SYTL4: variants seen among roughly 807,000 people sequenced by gnomAD.
The protein encoded by SYTL4 is synaptotagmin-like protein 4.
In SYTL4, 16 loss-of-function variants were observed where a neutral mutation model predicts 52.7. That is an observed-to-expected ratio of 0.30 (90% CI 0.21 to 0.46). The LOEUF (loss-of-function observed/expected upper bound fraction) is 0.46. Among genes scored for constraint, SYTL4 ranks in the 20% least tolerant of loss-of-function variants. The pLI is 1.00. For synonymous variants in SYTL4, 160 were observed against 186.6 expected (o/e 0.86, Z 1.16); for missense variants, 423 against 519.9 (o/e 0.81, Z 1.81).
intron 17 of SYTL4, 56 bp from the exon 18 acceptor site, chrX:100,679,468 G>A: frequency 7.1e-6 from 7 of 986,480 alleles, no homozygotes; most frequent in Non-Finnish European, 1.0e-5. Flanking sequence ...GATTTATCTT[G>A]AGCTTTGTTT....
chrX:100,727,126 T>C (rs888291905), intron 2 of SYTL4, among the ~76,000 whole-genome samples: 1 of 112,016 alleles, frequency 8.9e-6, no homozygotes, highest in Non-Finnish European at 1.9e-5. Context: ...AAATGTTTTA[T>C]AGTGGGTTTT....
intron 19 of SYTL4, among the ~76,000 whole-genome samples, chrX:100,677,479 TG>T (rs1207165887): frequency 8.9e-5 from 10 of 111,844 alleles, no homozygotes; most frequent in Admixed American, 5.7e-4. Context: ...ATATGCTTCA[TG>T]TTAAATATTC....
intron 16 of SYTL4, among the ~76,000 whole-genome samples, chrX:100,682,525 C>A (rs761323233): frequency 1.8e-5 from 2 of 109,968 alleles, no homozygotes; most frequent in East Asian, 5.7e-4. Context: ...CTGGACAACA[C>A]AGCAAAACCT....
At chrX:100,723,765 C>T (rs1175999804) in intron 2 of SYTL4, among the ~76,000 whole-genome samples, 1 of 107,431 alleles carries the variant, frequency 9.3e-6, no homozygotes, top group Non-Finnish European at 1.9e-5. Context: ...CCCCTCCGCC[C>T]GGCAGCCGCA....
intron 2 of SYTL4, among the ~76,000 whole-genome samples, chrX:100,723,983 G>C (rs759546185): frequency 1.1e-5 from 1 of 90,796 alleles, no homozygotes. Context: ...TCAGCCCCCC[G>C]CCCGGCCAGC....
At position 100,689,879 on chromosome X, in the gene SYTL4, C is replaced by T. The variant is rs779928492; in HGVS notation, c.889G>A (p.Val297Ile). The T allele has an allele frequency of 9.1e-6, 11 of 1,206,009 alleles. No individual in the cohort carries two copies. The South Asian group carries it at 1.1e-4, about 12-fold the overall frequency. ...SGSLGDRSKS[V>I]PGLNVDMEEE... ...ACCATATCCACATTGAGGCCTGGGA[C>T]GGATTTGCTTCTGTCTCCCAAGGAG... The change falls in exon 12 of 20, where the codon GTC (valine) becomes ATC (isoleucine). Residue 297 changes from valine (V) to isoleucine (I), a missense_variant. Val to Ile is a conservative substitution (Grantham distance 29, BLOSUM62 3). Coordinates refer to ENST00000372989, the MANE Select transcript of SYTL4 (RefSeq NM_001370165.1).
At chrX:100,681,183 A>G in intron 17 of SYTL4, 44 bp downstream of exon 17, 1 of 1,090,927 alleles carries the variant, frequency 9.2e-7, no homozygotes, top group African/African-American at 1.8e-5. Context: ...CACAGATCCT[A>G]TGCAGAAGAC....
intron 17 of SYTL4, 125 bp from the exon 18 acceptor site, chrX:100,679,537 T>C (rs967014030): frequency 2.0e-6 from 1 of 506,974 alleles, no homozygotes; most frequent in Non-Finnish European, 3.4e-6. Context: ...GAACCGTGCC[T>C]GTCCTGTCTC....
intron 2 of SYTL4, among the ~76,000 whole-genome samples, chrX:100,706,061 T>G (rs1247271398): frequency 9.0e-6 from 1 of 111,085 alleles, no homozygotes; most frequent in Non-Finnish European, 1.9e-5. Flanking sequence ...CATATCCATA[T>G]ACCTTCATCC....
intron 8 of SYTL4, among the ~76,000 whole-genome samples, chrX:100,693,655 T>G (rs780619888): frequency 6.3e-5 from 7 of 111,908 alleles, no homozygotes; most frequent in Non-Finnish European, 1.1e-4. Flanking sequence ...GGGATAGAAC[T>G]ATCATATGAC....
chrX:100,727,158 A>G (rs1015709101), intron 2 of SYTL4, among the ~76,000 whole-genome samples: 1 of 112,161 alleles, frequency 8.9e-6, no homozygotes, highest in Non-Finnish European at 1.9e-5. Flanking sequence ...AGAGGGGTAC[A>G]CATCATGAAC....
At chrX:100,699,140 G>A (rs976607085) in intron 8 of SYTL4, among the ~76,000 whole-genome samples, 1 of 111,196 alleles carries the variant, frequency 9.0e-6, no homozygotes, top group Non-Finnish European at 1.9e-5. Context: ...ACCAAGGCAG[G>A]TGGATCACTT....
intron 2 of SYTL4, among the ~76,000 whole-genome samples, chrX:100,705,951 T>C (rs1164219642): frequency 2.7e-5 from 3 of 110,974 alleles, no homozygotes; most frequent in Non-Finnish European, 5.7e-5. Flanking sequence ...AGCCCCACAT[T>C]GTCTCTTGGT....
intron 14 of SYTL4, 102 bp from the exon 15 acceptor site, chrX:100,686,883 C>A: frequency 1.2e-6 from 1 of 842,869 alleles, no homozygotes; most frequent in South Asian, 2.4e-5. Context: ...CATGTGATGT[C>A]AAAAATGTCA....
At chrX:100,683,526 A>G (rs754884718) in intron 16 of SYTL4, among the ~76,000 whole-genome samples, 1 of 111,502 alleles carries the variant, frequency 9.0e-6, no homozygotes, top group Non-Finnish European at 1.9e-5. Context: ...AACATACCAC[A>G]TACCCAGAAC....
intron 8 of SYTL4, among the ~76,000 whole-genome samples, chrX:100,700,532 G>A (rs957342541): frequency 1.1e-4 from 12 of 111,816 alleles, no homozygotes; most frequent in Admixed American, 3.8e-4. Flanking sequence ...GAAGATATAC[G>A]AAATAATTTT....
At chrX:100,695,997 A>G (rs2083697240) in intron 8 of SYTL4, among the ~76,000 whole-genome samples, 1 of 111,754 alleles carries the variant, frequency 8.9e-6, no homozygotes, top group Non-Finnish European at 1.9e-5. Context: ...TTTGAGATTC[A>G]TTCATGTTAT....
rs1435128905 is a variant in SYTL4, at chrX:100,711,980, A to G, written c.-239-7094T>C. On this transcript the variant is annotated intron_variant, in intron 2 of 19. Coordinates refer to ENST00000372989, the MANE Select transcript of SYTL4 (RefSeq NM_001370165.1). The stretch of plus-strand genomic sequence containing the variant: ...TCAATGCAAGTGTAAAGACAGAACA[A>G]CCTCTCTAAAATACTGAAAGAAAAA... 2.9e-5 allele frequency among the ~76,000 whole-genome samples: 3 copies of G among 105,095 alleles called. No homozygotes were observed. The East Asian group carries it at 8.5e-4, about 30-fold the overall frequency. The allele number at this position is 105,095 out of a possible 115,157, so 91.3% of individuals were successfully genotyped here. A position where few individuals can be genotyped will look rare whatever the true frequency, so the allele number is the denominator to read the frequency against.
At chrX:100,711,033 G>A (rs1024228465) in intron 2 of SYTL4, among the ~76,000 whole-genome samples, 1 of 111,895 alleles carries the variant, frequency 8.9e-6, no homozygotes, top group Non-Finnish European at 1.9e-5. Context: ...GCCTGTTTCC[G>A]CCAGCCAAAT....
Sources: gnomAD v4.1 joint callset for allele counts (sites outside exome capture counted in the v4.1 genomes callset) on GRCh38, gnomAD v4.1.1 for gene constraint, MANE v1.5 for transcripts, NCBI Gene and HGNC (gene_info 2026-07-23, HGNC 2026-07-21) for gene names.